The following GFOD1 variants were observed in gnomAD, a reference collection of about 807,000 sequenced individuals.
GFOD1 encodes Gfo/Idh/MocA-like oxidoreductase domain containing 1.
In GFOD1, 9 loss-of-function variants were observed where a neutral mutation model predicts 25.4. The observed-to-expected ratio is 0.35, with a 90% CI of 0.21 to 0.62. The LOEUF (loss-of-function observed/expected upper bound fraction) is 0.62. Among genes scored for constraint, GFOD1 ranks in the 20% least tolerant of loss-of-function variants. The pLI is 0.72. For synonymous variants in GFOD1, 253 were observed against 245.6 expected (o/e 1.03, Z -0.28); for missense variants, 403 against 556.9 (o/e 0.72, Z 2.78).
chr6:13,402,832 T>C (rs1484618362), intron 1 of GFOD1, among the ~76,000 whole-genome samples: 4 of 152,196 alleles, frequency 2.6e-5, no homozygotes, highest in Admixed American at 2.0e-4. Flanking sequence ...CCTAGGTATA[T>C]AGCCAAAAGA....
At chr6:13,385,637 G>C (rs1285889630) in intron 1 of GFOD1, among the ~76,000 whole-genome samples, 3 of 152,164 alleles carry the variant, frequency 2.0e-5, no homozygotes, top group African/African-American at 7.2e-5. Flanking sequence ...AAATTATTCT[G>C]TTAGCTCATT....
intron 1 of GFOD1, among the ~76,000 whole-genome samples, chr6:13,479,548 G>T (rs1758702929): frequency 1.3e-5 from 2 of 152,058 alleles, no homozygotes; most frequent in South Asian, 4.1e-4. Context: ...TTTCATTCTT[G>T]GTGAAACCCT....
At chr6:13,439,645 G>A (rs1453661758) in intron 1 of GFOD1, among the ~76,000 whole-genome samples, 1 of 152,142 alleles carries the variant, frequency 6.6e-6, no homozygotes, top group African/African-American at 2.4e-5. Context: ...TCCTGGCAGT[G>A]GACTAATCAC....
chr6:13,395,757 G>T (rs1459648733), intron 1 of GFOD1, among the ~76,000 whole-genome samples: 2 of 152,208 alleles, frequency 1.3e-5, no homozygotes, highest in African/African-American at 4.8e-5. Context: ...TCCCACTGAA[G>T]AAACTTCCTT....
intron 1 of GFOD1, among the ~76,000 whole-genome samples, chr6:13,402,363 T>G (rs1185128785): frequency 1.3e-5 from 2 of 152,130 alleles, no homozygotes; most frequent in Non-Finnish European, 2.9e-5. Context: ...CAAAAAACTG[T>G]ACTTTAAAGG....
At chr6:13,452,104 C>G (rs1758108386) in intron 1 of GFOD1, among the ~76,000 whole-genome samples, 1 of 152,082 alleles carries the variant, frequency 6.6e-6, no homozygotes, top group South Asian at 2.1e-4. Flanking sequence ...CCTGGGTTCC[C>G]TGTGTCCCTG....
chr6:13,376,433 C>T (rs978544051), intron 1 of GFOD1, among the ~76,000 whole-genome samples: 12 of 152,062 alleles, frequency 7.9e-5, no homozygotes, highest in East Asian at 1.9e-4. Context: ...CACCACTCCA[C>T]GCTTGGACAA....
At chr6:13,463,463 G>T (rs1758326875) in intron 1 of GFOD1, among the ~76,000 whole-genome samples, 1 of 152,230 alleles carries the variant, frequency 6.6e-6, no homozygotes, top group South Asian at 2.1e-4. Flanking sequence ...ATGTTGGACA[G>T]CGCAAAACAG....
chr6:13,428,404 C>T (rs531908618), intron 1 of GFOD1, among the ~76,000 whole-genome samples: 2 of 152,216 alleles, frequency 1.3e-5, no homozygotes, highest in Admixed American at 6.5e-5. Flanking sequence ...ATGCGAAAGC[C>T]GAGGCGGGAG....
At chr6:13,471,578 T>C (rs1350845381) in intron 1 of GFOD1, among the ~76,000 whole-genome samples, 2 of 152,060 alleles carry the variant, frequency 1.3e-5, no homozygotes, top group Non-Finnish European at 2.9e-5. Flanking sequence ...AATAATAGAG[T>C]CCTTACTAAT....
chr6:13,370,049 T>G (rs1012749620), intron 1 of GFOD1, among the ~76,000 whole-genome samples: 21 of 152,180 alleles, frequency 1.4e-4, no homozygotes, highest in Admixed American at 4.6e-4. Flanking sequence ...GGAAGACCTT[T>G]GAAGGACAGC....
intron 1 of GFOD1, among the ~76,000 whole-genome samples, chr6:13,387,300 C>T (rs1400516164): frequency 6.6e-6 from 1 of 152,108 alleles, no homozygotes; most frequent in East Asian, 1.9e-4. Flanking sequence ...CAAAGCCAGG[C>T]AGAGACACAA....
At chr6:13,374,649 G>C (rs1236010400) in intron 1 of GFOD1, among the ~76,000 whole-genome samples, 1 of 150,478 alleles carries the variant, frequency 6.6e-6, no homozygotes, top group Non-Finnish European at 1.5e-5. Context: ...TATACATATT[G>C]CTGGGGTATA....
chr6:13,468,245 T>C (rs374487270), intron 1 of GFOD1, among the ~76,000 whole-genome samples: 101 of 152,292 alleles, frequency 6.6e-4, no homozygotes, highest in African/African-American at 2.3e-3. Context: ...TACAAATGCT[T>C]CTGTGTCCTT....
At chr6:13,431,464 A>G (rs1757748950) in intron 1 of GFOD1, among the ~76,000 whole-genome samples, 1 of 152,202 alleles carries the variant, frequency 6.6e-6, no homozygotes. Context: ...ACTTTCACAC[A>G]GGTTCATTTG....
intron 1 of GFOD1, among the ~76,000 whole-genome samples, chr6:13,478,712 G>A (rs1397698372): frequency 5.3e-5 from 8 of 152,228 alleles, no homozygotes; most frequent in Admixed American, 3.9e-4. Flanking sequence ...GTTCATATTT[G>A]GGAGCTGCGT....
chr6:13,422,952 G>A (rs745768652), intron 1 of GFOD1, among the ~76,000 whole-genome samples: 6 of 152,304 alleles, frequency 3.9e-5, no homozygotes, highest in African/African-American at 9.6e-5. Context: ...CCCAGCTTGC[G>A]TTAATTGGCT....
At chr6:13,462,877 T>G (rs1758315576) in intron 1 of GFOD1, among the ~76,000 whole-genome samples, 1 of 152,220 alleles carries the variant, frequency 6.6e-6, no homozygotes, top group Non-Finnish European at 1.5e-5. Context: ...GCCTCTCGGC[T>G]GAGAGAGTTC....
chr6:13,391,125 C>G (rs1010774180), intron 1 of GFOD1, among the ~76,000 whole-genome samples: 6 of 152,152 alleles, frequency 3.9e-5, no homozygotes, highest in Non-Finnish European at 7.3e-5. Flanking sequence ...TTAAGATTTT[C>G]AAGGATATGA....
Sources: allele counts gnomAD v4.1 joint callset (sites outside exome capture counted in the v4.1 genomes callset), GRCh38; gene constraint gnomAD v4.1.1; transcripts MANE v1.5; gene names NCBI Gene and HGNC (gene_info 2026-07-23, HGNC 2026-07-21).